Variants in ZBTB20 observed in about 807,000 individuals in gnomAD.
ZBTB20 encodes zinc finger and BTB domain containing 20.
A neutral mutation model predicts 56.9 loss-of-function variants in ZBTB20; 9 were observed. The observed-to-expected ratio is 0.16, with a 90% CI of 0.10 to 0.28. The LOEUF (loss-of-function observed/expected upper bound fraction) is 0.28, where lower values mean the gene tolerates loss of function less well. Among genes scored for constraint, ZBTB20 ranks in the 10% least tolerant of loss-of-function variants. ZBTB20 has a pLI of 1.00. For missense variants in ZBTB20, 655 were observed against 1,003.0 expected (o/e 0.65, Z 4.69); for synonymous variants, 417 against 420.7 (o/e 0.99, Z 0.11).
chr3:114,416,540 C>T (rs986671735), intron 7 of ZBTB20, among the ~76,000 whole-genome samples: 4 of 151,996 alleles, frequency 2.6e-5, no homozygotes, highest in South Asian at 2.1e-4. Flanking sequence ...TAAGTATAGA[C>T]GCAGACGGTG....
At chr3:115,120,428 A>G (rs2084152036) in intron 1 of ZBTB20, among the ~76,000 whole-genome samples, 1 of 152,060 alleles carries the variant, frequency 6.6e-6, no homozygotes, top group South Asian at 2.1e-4. Flanking sequence ...CATCATACAA[A>G]CTCTCTAAGC....
At chr3:114,758,855 C>T (rs1441559913) in intron 5 of ZBTB20, 1 of 152,120 alleles carries the variant, frequency 6.6e-6, no homozygotes, top group Non-Finnish European at 1.5e-5. Flanking sequence ...CTTTGCTTTC[C>T]CTTGTTCTTT....
At chr3:114,688,948 T>A (rs2062526037) in intron 6 of ZBTB20, among the ~76,000 whole-genome samples, 1 of 152,138 alleles carries the variant, frequency 6.6e-6, no homozygotes. Context: ...CATGGACCAA[T>A]CCACATAAGA....
intron 1 of ZBTB20, among the ~76,000 whole-genome samples, chr3:115,075,080 C>T (rs1318241764): frequency 6.6e-6 from 1 of 152,054 alleles, no homozygotes; most frequent in Non-Finnish European, 1.5e-5. Flanking sequence ...TGTGAATTAA[C>T]ATTTATTGAA....
At chr3:114,886,471 A>G (rs1179531366) in intron 4 of ZBTB20, among the ~76,000 whole-genome samples, 1 of 152,220 alleles carries the variant, frequency 6.6e-6, no homozygotes, top group Non-Finnish European at 1.5e-5. Flanking sequence ...TCAATTGTAT[A>G]CTTGGCTTAT....
At chr3:114,864,393 T>C (rs2075672398) in intron 4 of ZBTB20, among the ~76,000 whole-genome samples, 1 of 152,026 alleles carries the variant, frequency 6.6e-6, no homozygotes, top group Non-Finnish European at 1.5e-5. Flanking sequence ...TTAGCCAAGG[T>C]TAAAAAAAAT....
intron 7 of ZBTB20, among the ~76,000 whole-genome samples, chr3:114,413,191 A>G (rs1043690539): frequency 6.6e-6 from 1 of 152,196 alleles, no homozygotes; most frequent in Non-Finnish European, 1.5e-5. Context: ...ATTTATAATG[A>G]TAAAATCCAG....
intron 6 of ZBTB20, among the ~76,000 whole-genome samples, chr3:114,562,817 G>C (rs1181558171): frequency 6.6e-6 from 1 of 152,200 alleles, no homozygotes; most frequent in Non-Finnish European, 1.5e-5. Context: ...GGAACAGCTA[G>C]TTGGTAAGGC....
intron 1 of ZBTB20, among the ~76,000 whole-genome samples, chr3:115,106,812 G>GC (rs1171831801): frequency 1.3e-5 from 2 of 151,958 alleles, no homozygotes; most frequent in Non-Finnish European, 2.9e-5. Flanking sequence ...CTTCCCCTCT[G>GC]CCCCCCAGAG....
intron 6 of ZBTB20, among the ~76,000 whole-genome samples, chr3:114,588,516 G>A (rs957705829): frequency 1.3e-5 from 2 of 152,136 alleles, no homozygotes. Flanking sequence ...GGTCACAAGA[G>A]TGGTTTTAGC....
intron 1 of ZBTB20, among the ~76,000 whole-genome samples, chr3:115,076,399 T>C (rs1368258412): frequency 6.6e-6 from 1 of 152,120 alleles, no homozygotes; most frequent in African/African-American, 2.4e-5. Flanking sequence ...AAGAAATAAA[T>C]CTACACATAA....
chr3:114,907,731 A>T (rs943621100), intron 3 of ZBTB20, among the ~76,000 whole-genome samples: 3 of 151,910 alleles, frequency 2.0e-5, no homozygotes, highest in Non-Finnish European at 4.4e-5. Flanking sequence ...TGGATATTTC[A>T]TTCATTTATT....
intron 1 of ZBTB20, among the ~76,000 whole-genome samples, chr3:115,116,954 G>A (rs929769203): frequency 1.3e-5 from 2 of 152,070 alleles, no homozygotes; most frequent in African/African-American, 4.8e-5. Context: ...AATATACATA[G>A]GGTGACACCA....
chr3:114,514,153 A>G (rs1283734000), intron 6 of ZBTB20, among the ~76,000 whole-genome samples: 1 of 152,166 alleles, frequency 6.6e-6, no homozygotes, highest in Non-Finnish European at 1.5e-5. Context: ...TCAGGAGTAG[A>G]AAACAAAAGG....
chr3:114,857,077 C>G (rs989712034), intron 4 of ZBTB20, among the ~76,000 whole-genome samples: 1 of 152,132 alleles, frequency 6.6e-6, no homozygotes, highest in South Asian at 2.1e-4. Flanking sequence ...CTTCCTGATT[C>G]TTTTCTCATA....
At chr3:114,714,497 T>C (rs2064319138) in intron 5 of ZBTB20, among the ~76,000 whole-genome samples, 1 of 151,846 alleles carries the variant, frequency 6.6e-6, no homozygotes, top group South Asian at 2.1e-4. Context: ...AGCTTCCTGC[T>C]CTATTCGCTT....
At chr3:115,015,668 C>T (rs1576570525) in intron 2 of ZBTB20, among the ~76,000 whole-genome samples, 1 of 151,914 alleles carries the variant, frequency 6.6e-6, no homozygotes, top group African/African-American at 2.4e-5. Flanking sequence ...TTTATGGCTG[C>T]ATAGTATTCC....
In ZBTB20 at chr3:114,815,786, G is replaced by A. The variant is rs953267424; in HGVS notation, c.-416-14612C>T. Among the ~76,000 whole-genome samples the A allele has an allele frequency of 4.6e-5, 7 of 152,082 alleles. No homozygotes were observed. The South Asian group carries it at 6.2e-4, about 14-fold the overall frequency. ...TACATAAATATTAAACCATTTCTCC[G>A]AAATAATATGGAGGTTAGAAGTAGC... On this transcript the variant is annotated intron_variant, in intron 4 of 11. Transcript: ENST00000675478.
At chr3:114,493,214 G>A (rs1171270448) in intron 7 of ZBTB20, among the ~76,000 whole-genome samples, 1 of 152,072 alleles carries the variant, frequency 6.6e-6, no homozygotes, top group Non-Finnish European at 1.5e-5. Context: ...AATTTATTCT[G>A]CTTAGTGCTG....
Sources: gnomAD v4.1 joint callset for allele counts (sites outside exome capture counted in the v4.1 genomes callset) on GRCh38, gnomAD v4.1.1 for gene constraint, MANE v1.5 for transcripts, NCBI Gene and HGNC (gene_info 2026-07-23, HGNC 2026-07-21) for gene names.